The following FLRT1 variants were observed in gnomAD, a reference collection of about 807,000 sequenced individuals.
The protein encoded by FLRT1 is fibronectin leucine rich transmembrane protein 1, also known as leucine-rich repeat transmembrane protein FLRT1.
In FLRT1, 14 loss-of-function variants were observed where a neutral mutation model predicts 30.9. The ratio of observed to expected loss-of-function variants is 0.45; its 90% confidence interval spans 0.30 to 0.71. FLRT1 has a LOEUF of 0.71. Among genes scored for constraint, FLRT1 ranks in the 30% least tolerant of loss-of-function variants. The pLI, the probability that FLRT1 is intolerant of heterozygous loss-of-function variation, is 0.08. For synonymous variants in FLRT1, 368 were observed against 430.4 expected (o/e 0.85, Z 1.80); for missense variants, 737 against 949.2 (o/e 0.78, Z 2.94).
chr11:64,110,879 G>A (rs966458519), intron 2 of FLRT1, among the ~76,000 whole-genome samples: 17 of 152,162 alleles, frequency 1.1e-4, no homozygotes, highest in East Asian at 7.7e-4. Context: ...CTGGTGAGGC[G>A]TGCTATCTTC....
chr11:64,063,879 G>A (rs1269720297), intron 1 of FLRT1, among the ~76,000 whole-genome samples: 1 of 152,240 alleles, frequency 6.6e-6, no homozygotes, highest in Non-Finnish European at 1.5e-5. Flanking sequence ...CAGCCCCAGA[G>A]AGGGTGGTGG....
rs1943966747 is a variant in FLRT1 at position 64,064,809 on chromosome 11, C to G, written c.-1038+28650C>G. Among the ~76,000 whole-genome samples the G allele has an allele frequency of 6.6e-6, 1 of 151,954 alleles. No homozygotes were observed. Among genetic ancestry groups the G allele is most frequent in the South Asian group, 2.1e-4 (1 of 4,802 alleles). On this transcript the variant is annotated intron_variant, in intron 1 of 2. Transcript: ENST00000682287. The surrounding 1 kb of genome is among the most constrained non-coding windows in gnomAD (Gnocchi z 4.5). Reference sequence around the variant, plus strand: ...GAGGCTGCCAACTAAAACCTGGGCACCCGGTGGCCAAGAGGCTAGAGTTTC... The same window carrying G: ...GAGGCTGCCAACTAAAACCTGGGCAGCCGGTGGCCAAGAGGCTAGAGTTTC...
At chr11:64,109,183 C>T (rs937244005) in intron 2 of FLRT1, among the ~76,000 whole-genome samples, 1 of 152,086 alleles carries the variant, frequency 6.6e-6, no homozygotes, top group African/African-American at 2.4e-5. Flanking sequence ...TCCAGAAGCT[C>T]CTGGGACATG....
At chr11:64,097,803 C>A (rs1483877969) in intron 1 of FLRT1, among the ~76,000 whole-genome samples, 3 of 152,182 alleles carry the variant, frequency 2.0e-5, no homozygotes. Flanking sequence ...CTCCAGAGGC[C>A]TTCCTGCTCC....
chr11:64,078,244 G>A (rs1292888421), intron 1 of FLRT1, among the ~76,000 whole-genome samples: 2 of 152,202 alleles, frequency 1.3e-5, no homozygotes, highest in Non-Finnish European at 2.9e-5. Flanking sequence ...CAGAAGGGAG[G>A]TGGGCAGGTG....
chr11:64,068,682 T>G (rs1032290809), intron 1 of FLRT1, among the ~76,000 whole-genome samples: 1 of 152,242 alleles, frequency 6.6e-6, no homozygotes, highest in African/African-American at 2.4e-5. Flanking sequence ...CCAAGGGTCC[T>G]GATCTCACGT....
In FLRT1 at chr11:64,116,530, T is replaced by C. The variant is rs1169658379; in HGVS notation, c.263T>C (p.Leu88Pro). 6.2e-7 allele frequency: 1 copy of C among 1,613,812 alleles called. No individual in the cohort carries two copies. The highest frequency in any genetic ancestry group is 8.5e-7 in the Non-Finnish European group (1 of 1,179,956). The change falls in exon 3 of 3, where the codon CTG (leucine) becomes CCG (proline). Residue 88 changes from leucine (L) to proline (P), a missense_variant. Physicochemically the swap from Leu to Pro is moderately conservative, Grantham distance 98. Transcript: ENST00000682287. The stretch of plus-strand genomic sequence containing the variant: ...CCTGATGATGCCACCACCCTCTACC[T>C]GCAGAACAACCAGATCAACAACGCC... ...DIPDDATTLY[L>P]QNNQINNAGI...
In FLRT1 at chr11:64,071,664, C is replaced by T. The variant is rs556422136; in HGVS notation, c.-1037-31530C>T. ...GTTTCCCCATTTGTGAAGTGGGAAC[C>T]ACAGAGCCCCCCAGCTTGGTGGTTA... On this transcript the variant is annotated intron_variant, in intron 1 of 2. Coordinates refer to ENST00000682287, the MANE Select transcript of FLRT1 (RefSeq NM_013280.5). Among the ~76,000 whole-genome samples the T allele has an allele frequency of 3.3e-5, 5 of 152,314 alleles. No homozygotes were observed. The East Asian group carries it at 7.7e-4, about 24-fold the overall frequency.
intron 2 of FLRT1, among the ~76,000 whole-genome samples, chr11:64,113,420 G>GGATA (rs1274867528): frequency 1.7e-4 from 20 of 118,980 alleles, no homozygotes; most frequent in Non-Finnish European, 3.6e-4. Flanking sequence ...GTTGATGCAT[G>GGATA]GATGGATGGA....
intron 2 of FLRT1, among the ~76,000 whole-genome samples, chr11:64,105,024 AT>A (rs1418678330): frequency 6.6e-6 from 1 of 152,206 alleles, no homozygotes; most frequent in African/African-American, 2.4e-5. Flanking sequence ...AGAGGGGTTG[AT>A]TTATGATTGC....
At chr11:64,080,867 A>C (rs966037784) in intron 1 of FLRT1, among the ~76,000 whole-genome samples, 6 of 152,204 alleles carry the variant, frequency 3.9e-5, no homozygotes, top group Non-Finnish European at 4.4e-5. Flanking sequence ...AGCAGCCATC[A>C]GTGGCTGTTT....
Position 64,059,012 on chromosome 11 carries a change from G to A in FLRT1, c.-1038+22853G>A, listed in dbSNP as rs76721110. Among the ~76,000 whole-genome samples the A allele has an allele frequency of 5.4e-3, 816 of 152,312 alleles. 8 individuals carry two copies. Among genetic ancestry groups the A allele is most frequent in the Non-Finnish European group, 8.4e-3 (573 of 68,028 alleles). ...AACAGGGGCTCACTGTCTACTGGAT[G>A]GGCTGAGGAGTGCCTGATGCTCTTT... On this transcript the variant is annotated intron_variant, in intron 1 of 2. Coordinates refer to ENST00000682287, the MANE Select transcript of FLRT1 (RefSeq NM_013280.5).
At chr11:64,045,284 T>C (rs1943562969) in intron 1 of FLRT1, among the ~76,000 whole-genome samples, 1 of 152,154 alleles carries the variant, frequency 6.6e-6, no homozygotes, top group Non-Finnish European at 1.5e-5. Flanking sequence ...CACAGAGCAA[T>C]CTCCATTAGG....
At chr11:64,041,404 C>T (rs534339221) in intron 1 of FLRT1, among the ~76,000 whole-genome samples, 1 of 151,924 alleles carries the variant, frequency 6.6e-6, no homozygotes, top group Non-Finnish European at 1.5e-5. Flanking sequence ...AAAATGCTGC[C>T]GGGTGCTGGA....
intron 2 of FLRT1, among the ~76,000 whole-genome samples, chr11:64,108,989 CG>C (rs1274387423): frequency 2.0e-5 from 3 of 152,192 alleles, no homozygotes; most frequent in Admixed American, 6.5e-5. Flanking sequence ...GTGGGGGAGA[CG>C]TGACCAGCAT....
Position 64,082,333 on chromosome 11 carries a change from G to T in FLRT1, c.-1037-20861G>T, listed in dbSNP as rs1211928117. 2.6e-5 allele frequency among the ~76,000 whole-genome samples: 4 copies of T among 152,082 alleles called. No homozygotes were observed. The highest frequency in any genetic ancestry group is 5.9e-5 in the Non-Finnish European group (4 of 67,992). On this transcript the variant is annotated intron_variant, in intron 1 of 2. Coordinates refer to ENST00000682287, the MANE Select transcript of FLRT1 (RefSeq NM_013280.5). The surrounding 1 kb of genome is among the most constrained non-coding windows in gnomAD (Gnocchi z 4.5). ...GAGACGCTGGGTGGAGGATGATCCGGGGGGACCGTGGAAGGCAGGACGGGG... is the reference window on the plus strand; with the variant it reads ...GAGACGCTGGGTGGAGGATGATCCGTGGGGACCGTGGAAGGCAGGACGGGG...
intron 1 of FLRT1, among the ~76,000 whole-genome samples, chr11:64,075,614 T>C (rs1156932453): frequency 6.6e-6 from 1 of 152,120 alleles, no homozygotes; most frequent in Non-Finnish European, 1.5e-5. Flanking sequence ...TGATATGGAG[T>C]GACAACCTAC....
intron 1 of FLRT1, among the ~76,000 whole-genome samples, chr11:64,043,540 T>A (rs73498137): frequency 0.02 from 3,086 of 151,772 alleles, 91 homozygotes; most frequent in African/African-American, 0.068. Flanking sequence ...GCAGCAAGGG[T>A]TAGGAGGCAG....
At chr11:64,092,805 C>T (rs936658742) in intron 1 of FLRT1, among the ~76,000 whole-genome samples, 2 of 152,258 alleles carry the variant, frequency 1.3e-5, no homozygotes, top group Non-Finnish European at 2.9e-5. Flanking sequence ...TCTCCCCAAG[C>T]ATGGTTTGAA....
Sources: allele counts gnomAD v4.1 joint callset (sites outside exome capture counted in the v4.1 genomes callset), GRCh38; gene constraint gnomAD v4.1.1; non-coding constraint Gnocchi (gnomAD v3.1); transcripts MANE v1.5; gene names NCBI Gene and HGNC (gene_info 2026-07-23, HGNC 2026-07-21).